Variants in NETO1 observed in about 807,000 individuals in gnomAD.
The protein encoded by NETO1 is neuropilin and tolloid like 1, also known as neuropilin and tolloid-like protein 1.
Under a neutral mutation model 61.3 loss-of-function variants are expected in NETO1, and 26 were observed. That is an observed-to-expected ratio of 0.42 (90% CI 0.31 to 0.59). The LOEUF is 0.59. Ranked by LOEUF, NETO1 falls within the 20% of genes least tolerant of loss-of-function variation. NETO1 has a pLI of 0.12. For missense variants in NETO1, 531 were observed against 662.8 expected, an observed-to-expected ratio of 0.80 and a Z score of 2.18; for synonymous variants, 225 against 225.8, an observed-to-expected ratio of 1.00 and a Z score of 0.03.
chr18:72,764,896 T>A (rs938870517), intron 7 of NETO1, among the ~76,000 whole-genome samples: 4 of 152,128 alleles, frequency 2.6e-5, no homozygotes, highest in Non-Finnish European at 5.9e-5. Flanking sequence ...AGTGGCCATC[T>A]CTTGCATGGC....
At chr18:72,821,589 C>T (rs1447381117) in intron 4 of NETO1, among the ~76,000 whole-genome samples, 3 of 151,422 alleles carry the variant, frequency 2.0e-5, no homozygotes, top group Non-Finnish European at 4.4e-5. Context: ...GAATCCTCTC[C>T]AGAAGAATCA....
At chr18:72,835,032 A>C (rs1306642155) in intron 4 of NETO1, 7 of 1,015,362 alleles carry the variant, frequency 6.9e-6, no homozygotes, top group Non-Finnish European at 8.2e-6. Context: ...TCCCTCACAT[A>C]GGAGAATGGT....
intron 4 of NETO1, among the ~76,000 whole-genome samples, chr18:72,798,921 C>A (rs1343165909): frequency 6.6e-6 from 1 of 152,114 alleles, no homozygotes; most frequent in East Asian, 1.9e-4. Context: ...GTCATGAAAC[C>A]AACAAAACTG....
chr18:72,777,034 A>G (rs1482820956), intron 7 of NETO1, among the ~76,000 whole-genome samples: 2 of 152,214 alleles, frequency 1.3e-5, no homozygotes, highest in African/African-American at 4.8e-5. Context: ...AAACGATGGG[A>G]CAGGCATAGG....
At chr18:72,808,017 G>A (rs1434337708) in intron 4 of NETO1, among the ~76,000 whole-genome samples, 2 of 152,154 alleles carry the variant, frequency 1.3e-5, no homozygotes, top group Non-Finnish European at 1.5e-5. Flanking sequence ...GTTTAATAGG[G>A]CATTTCTTGT....
chr18:72,794,084 G>C (rs2072230319), intron 6 of NETO1, 33 bp downstream of exon 6: 1 of 1,613,788 alleles, frequency 6.2e-7, no homozygotes. Flanking sequence ...CTCAACGTCA[G>C]CTGTCAAGTG....
At chr18:72,818,892 A>C (rs541529618) in intron 4 of NETO1, among the ~76,000 whole-genome samples, 2 of 152,362 alleles carry the variant, frequency 1.3e-5, no homozygotes, top group East Asian at 3.9e-4. Context: ...AAAATTAAAA[A>C]TTAGCTAAAT....
At chr18:72,752,617 C>G (rs1035955514) in intron 8 of NETO1, among the ~76,000 whole-genome samples, 6 of 151,034 alleles carry the variant, frequency 4.0e-5, no homozygotes, top group Admixed American at 3.3e-4. Context: ...TGTAAAGAAA[C>G]AGTAAAGCGA....
rs746374098 is a variant in NETO1 at position 72,794,400 on chromosome 18, AG to A, written c.473del (p.Pro158LeufsTer9). The A allele has an allele frequency of 1.2e-6, 2 of 1,609,584 alleles. No individual in the cohort carries two copies. The highest frequency in any genetic ancestry group is 1.7e-6 in the Non-Finnish European group (2 of 1,179,068). On this transcript the variant is annotated frameshift_variant, in exon 5 of 11. Transcript: ENST00000327305. LOFTEE classifies it high-confidence loss of function. ...FSARYNFTPD[P>X]DFKDLGALKP... ...TCAAAGCTCCAAGGTCCTTAAAGTCAGGATCTTAAAAATTGAGAAAAAGACA... is the reference window on the plus strand; with the variant it reads ...TCAAAGCTCCAAGGTCCTTAAAGTCAGATCTTAAAAATTGAGAAAAAGACA...
At chr18:72,788,677 C>G (rs1046892739) in intron 6 of NETO1, among the ~76,000 whole-genome samples, 1 of 152,020 alleles carries the variant, frequency 6.6e-6, no homozygotes, top group Non-Finnish European at 1.5e-5. Flanking sequence ...AGAGTTGGAG[C>G]TGACAAGATA....
intron 6 of NETO1, among the ~76,000 whole-genome samples, chr18:72,785,807 C>T (rs2071895839): frequency 6.6e-6 from 1 of 152,152 alleles, no homozygotes; most frequent in African/African-American, 2.4e-5. Context: ...TCACATTCTC[C>T]ATCTTCTGTC....
chr18:72,859,655 A>C (rs2074509019), intron 3 of NETO1, among the ~76,000 whole-genome samples: 1 of 152,164 alleles, frequency 6.6e-6, no homozygotes, highest in South Asian at 2.1e-4. Flanking sequence ...ATCCGTTAAG[A>C]ATATCCTGCG....
chr18:72,776,974 G>A (rs540447523), intron 7 of NETO1, among the ~76,000 whole-genome samples: 1 of 152,266 alleles, frequency 6.6e-6, no homozygotes, highest in East Asian at 1.9e-4. Flanking sequence ...GAGGCAAATC[G>A]TTCTTACGCT....
chr18:72,843,521 C>T (rs980256636), intron 4 of NETO1, among the ~76,000 whole-genome samples: 4 of 151,938 alleles, frequency 2.6e-5, no homozygotes, highest in Non-Finnish European at 1.5e-5. Flanking sequence ...CAAAGTTATA[C>T]CGGAAAAAAA....
At chr18:72,751,567 G>A (rs1326954314) in intron 8 of NETO1, among the ~76,000 whole-genome samples, 1 of 152,152 alleles carries the variant, frequency 6.6e-6, no homozygotes, top group East Asian at 1.9e-4. Flanking sequence ...TGGGGCTCCC[G>A]AGGTTCCTCC....
chr18:72,834,846 A>G, intron 4 of NETO1: 1 of 977,840 alleles, frequency 1.0e-6, no homozygotes, highest in Non-Finnish European at 1.2e-6. Context: ...AGTGGAGACT[A>G]TTATAATAAA....
At chr18:72,762,725 C>T (rs1446673575) in intron 7 of NETO1, among the ~76,000 whole-genome samples, 1 of 152,136 alleles carries the variant, frequency 6.6e-6, no homozygotes, top group African/African-American at 2.4e-5. Flanking sequence ...CACAAGGTGG[C>T]GAACTTACAT....
chr18:72,780,684 T>C (rs1444914610), intron 7 of NETO1, among the ~76,000 whole-genome samples: 3 of 152,162 alleles, frequency 2.0e-5, no homozygotes, highest in African/African-American at 4.8e-5. Flanking sequence ...AAGATGAACA[T>C]TTTTCCCCCT....
chr18:72,832,386 A>G (rs977845622), intron 4 of NETO1, among the ~76,000 whole-genome samples: 8 of 152,208 alleles, frequency 5.3e-5, no homozygotes, highest in African/African-American at 1.7e-4. Flanking sequence ...TTACACTCAT[A>G]AAGATCAAGT....
Sources: allele counts gnomAD v4.1 joint callset (sites outside exome capture counted in the v4.1 genomes callset), GRCh38; gene constraint gnomAD v4.1.1; transcripts MANE v1.5; gene names NCBI Gene and HGNC (gene_info 2026-07-23, HGNC 2026-07-21).